OR4K17: variants seen among roughly 807,000 people sequenced by gnomAD.
The protein encoded by OR4K17 is olfactory receptor 4K17.
For synonymous variants in OR4K17, 157 were observed against 132.8 expected (o/e 1.18, Z -1.25); for missense variants, 480 against 366.3 (o/e 1.31, Z -2.53).
chr14:20,117,795 C>T lies in OR4K17; in HGVS notation c.296C>T (p.Thr99Ile). The change falls in exon 2 of 2, where the codon ACT becomes ATT. Residue 99 changes from threonine to isoleucine, a missense_variant. Physicochemically the swap from Thr to Ile is moderately conservative, Grantham distance 89 (BLOSUM62 -1). Coordinates refer to ENST00000641386, the MANE Select transcript of OR4K17 (RefSeq NM_001004715.5). Reference sequence around the variant, plus strand: ...GTAATTTCTTTTGCTGGGTGCTTCACTCAGATATTTCTCCTTCACTTACTG... The same window carrying T: ...GTAATTTCTTTTGCTGGGTGCTTCATTCAGATATTTCTCCTTCACTTACTG... ...QKVISFAGCF[T>I]QIFLLHLLGG... The T allele has an allele frequency of 6.2e-7, 1 of 1,614,116 alleles. No individual in the cohort carries two copies. The highest frequency in any genetic ancestry group is 1.1e-5 in the South Asian group (1 of 91,076).
Position 20,117,785 on chromosome 14 carries a change from G to A in OR4K17, c.286G>A (p.Gly96Arg), listed in dbSNP as rs1318758860. ...AAAGCAGAAGGTAATTTCTTTTGCT[G>A]GGTGCTTCACTCAGATATTTCTCCT... ...LKKQKVISFAGCFTQIFLLHL... is the reference protein window; with the variant it reads ...LKKQKVISFARCFTQIFLLHL... Residue 96 changes from glycine (G) to arginine (R), a missense_variant, in exon 2 of 2, where the codon GGG (glycine) becomes AGG (arginine). Physicochemically the swap from Gly to Arg is moderately radical, Grantham distance 125. Transcript: ENST00000641386. The A allele has an allele frequency of 6.2e-7, 1 of 1,613,948 alleles. No homozygotes were observed. The highest frequency in any genetic ancestry group is 1.3e-5 in the African/African-American group (1 of 74,888).
chr14:20,112,237 A>T (rs1282684460), intron 1 of OR4K17: 1 of 152,092 alleles, frequency 6.6e-6, no homozygotes, highest in African/African-American at 2.4e-5. Flanking sequence ...TATAATATTA[A>T]GATTTAAGCA....
At chr14:20,112,566 A>G (rs537663422) in intron 1 of OR4K17, among the ~76,000 whole-genome samples, 1 of 152,204 alleles carries the variant, frequency 6.6e-6, no homozygotes, top group East Asian at 1.9e-4. Flanking sequence ...GCAAGATAAC[A>G]CAAACTAGTT....
Position 20,110,786 on chromosome 14 carries a change from A to G in OR4K17, c.-139A>G, listed in dbSNP as rs142207302. The G allele has an allele frequency of 2.0e-5, 3 of 152,146 alleles. No individual in the cohort carries two copies. The highest frequency in any genetic ancestry group is 4.8e-5 in the African/African-American group (2 of 41,540). The allele number at this position is 152,146 out of a possible 1,614,324, so 9.4% of individuals were successfully genotyped here. ...TTAGGAACTCCCCTGATTGGAGTCT[A>G]GATACTTTAGTGACTTGTTTCTTCT... On this transcript the variant is annotated 5_prime_UTR_variant, in exon 1 of 2. Coordinates refer to ENST00000641386, the MANE Select transcript of OR4K17 (RefSeq NM_001004715.5).
intron 1 of OR4K17, among the ~76,000 whole-genome samples, chr14:20,115,792 G>T (rs1877978377): frequency 6.6e-6 from 1 of 151,990 alleles, no homozygotes; most frequent in Admixed American, 6.6e-5. Context: ...GAGCTCTAGG[G>T]AGCAAAATGG....
intron 1 of OR4K17, among the ~76,000 whole-genome samples, chr14:20,111,206 A>G (rs553034881): frequency 6.6e-6 from 1 of 151,728 alleles, no homozygotes; most frequent in East Asian, 1.9e-4. Flanking sequence ...TAGGAACTTT[A>G]CCAGGTGTTA....
chr14:20,111,372 T>G (rs2139051991), intron 1 of OR4K17, among the ~76,000 whole-genome samples: 1 of 152,144 alleles, frequency 6.6e-6, no homozygotes, highest in South Asian at 2.1e-4. Context: ...GAGAATGTAT[T>G]GATTTGGACA....
rs143610275 is a variant in OR4K17, at chr14:20,117,683, C to T, written c.184C>T (p.Leu62Phe). The T allele has an allele frequency of 1.6e-4, 251 of 1,614,020 alleles. No individual in the cohort carries two copies. The African/African-American group carries it at 2.9e-3, about 18-fold the overall frequency. The change falls in exon 2 of 2, where the codon CTC (leucine) becomes TTC (phenylalanine). Residue 62 changes from leucine to phenylalanine, a missense_variant. Coordinates refer to ENST00000641386, the MANE Select transcript of OR4K17 (RefSeq NM_001004715.5). ...TPNLNTPMYF[L>F]LGNLSFVDMT... Reference sequence around the variant, plus strand: ...TAACCTGAATACTCCCATGTATTTTCTCCTTGGTAATCTCTCTTTTGTAGA... The same window carrying T: ...TAACCTGAATACTCCCATGTATTTTTTCCTTGGTAATCTCTCTTTTGTAGA...
rs1337699875 is a variant in OR4K17 at position 20,120,341 on chromosome 14, A to G, written c.*1903A>G. ...CTTGTAGCTTCCAAAATAAGAATTC[A>G]TGAAGATACCTTTATGGTTGTTAAT... On this transcript the variant is annotated 3_prime_UTR_variant, in exon 2 of 2. Transcript: ENST00000641386. 1 of 152,198 alleles carries G rather than the reference A, an allele frequency of 6.6e-6. No individual in the cohort carries two copies. Among genetic ancestry groups the G allele is most frequent in the Non-Finnish European group, 1.5e-5 (1 of 68,030 alleles). 9.4% of individuals were successfully genotyped at this position (152,198 alleles called of 1,614,324 possible).
chr14:20,118,219 G>A lies in OR4K17; in HGVS notation c.720G>A (p.Leu240=), dbSNP rs200441843. The stretch of plus-strand genomic sequence containing the variant: ...GGCAATCTAAAGCCCGTTCCACTTT[G>A]ACTGCTCACATCACAGTGGTGATTC... The part of the protein sequence containing the change: ...PTGQSKARST[L]TAHITVVILF... Residue 240 remains leucine (L), a synonymous_variant, in exon 2 of 2, where the codon TTG becomes TTA. Coordinates refer to ENST00000641386, the MANE Select transcript of OR4K17 (RefSeq NM_001004715.5). 54 of 1,614,006 alleles carry A rather than the reference G, an allele frequency of 3.3e-5. No individual in the cohort carries two copies. Among genetic ancestry groups the A allele is most frequent in the Non-Finnish European group, 4.4e-5 (52 of 1,179,938 alleles).
In OR4K17 at chr14:20,111,672, C is replaced by A. The variant is rs1877886269; in HGVS notation, c.-33+780C>A. Among the ~76,000 whole-genome samples, 5 of 151,980 alleles carry A rather than the reference C, an allele frequency of 3.3e-5. No homozygotes were observed. The South Asian group carries it at 1.0e-3, about 31-fold the overall frequency. On this transcript the variant is annotated intron_variant, in intron 1 of 1. Transcript: ENST00000641386. Reference sequence around the variant, plus strand: ...ACAATTTCCAGGAAAGAAATTGCTACAACTAAAACTGCTATATTTGAGTTC... The same window carrying A: ...ACAATTTCCAGGAAAGAAATTGCTAAAACTAAAACTGCTATATTTGAGTTC...
Position 20,121,719 on chromosome 14 carries a change from A to G in OR4K17, c.*3281A>G, listed in dbSNP as rs1878175281. 1 of 152,088 alleles carries G rather than the reference A, an allele frequency of 6.6e-6. No homozygotes were observed. The highest frequency in any genetic ancestry group is 6.6e-5 in the Admixed American group (1 of 15,254). 9.4% of individuals were successfully genotyped at this position (152,088 alleles called of 1,614,324 possible). A position where few individuals can be genotyped will look rare whatever the true frequency, so the allele number is the denominator to read the frequency against. On this transcript the variant is annotated 3_prime_UTR_variant, in exon 2 of 2. Coordinates refer to ENST00000641386, the MANE Select transcript of OR4K17 (RefSeq NM_001004715.5). ...GAAAGAGAAAGATGAAGCAAAAGAA[A>G]AGGAAGGGAACAAAGAGTGTAAAAA...
chr14:20,117,920 T>G lies in OR4K17; in HGVS notation c.421T>G (p.Cys141Gly). The G allele has an allele frequency of 1.9e-6, 3 of 1,614,076 alleles. No homozygotes were observed. The highest frequency in any genetic ancestry group is 2.5e-6 in the Non-Finnish European group (3 of 1,180,008). Residue 141 changes from cysteine to glycine, a missense_variant, in exon 2 of 2, where the codon TGT becomes GGT. Transcript: ENST00000641386. ...CATGACCATCATGAACAAGAAGGTATGTGTTTTGCTTGTAGTGACCTCATG... is the reference window on the plus strand; with the variant it reads ...CATGACCATCATGAACAAGAAGGTAGGTGTTTTGCTTGTAGTGACCTCATG... ...HYMTIMNKKV[C>G]VLLVVTSWLL...
At chr14:20,111,762 G>T (rs1191603847) in intron 1 of OR4K17, 1 of 152,008 alleles carries the variant, frequency 6.6e-6, no homozygotes, top group Non-Finnish European at 1.5e-5. Context: ...AAACAAAAAA[G>T]TAGAGAACTG....
intron 1 of OR4K17, 33 bp from the exon 2 acceptor site, chr14:20,117,435 A>G (rs1447747653): frequency 2.5e-6 from 4 of 1,605,926 alleles, no homozygotes; most frequent in Non-Finnish European, 2.5e-6. Flanking sequence ...CTCATACTCC[A>G]TGGTATGAGT....
chr14:20,111,755 CA>C (rs1456754348), intron 1 of OR4K17, among the ~76,000 whole-genome samples: 1 of 151,724 alleles, frequency 6.6e-6, no homozygotes, highest in Non-Finnish European at 1.5e-5. Flanking sequence ...ATATGCCAAA[CA>C]AAAAAGTAGA....
In OR4K17 at chr14:20,118,086, A is replaced by G; in HGVS notation, c.587A>G (p.Gln196Arg). The part of the protein sequence containing the change: ...KLACIDIYFV[Q>R]VVIVANSGII... The stretch of plus-strand genomic sequence containing the variant: ...GCCTGTATAGACATATATTTTGTAC[A>G]GGTAGTCATTGTTGCCAACAGTGGC... The change falls in exon 2 of 2, where the codon CAG (glutamine) becomes CGG (arginine). Residue 196 changes from glutamine (Q) to arginine (R), a missense_variant. By Grantham distance (43) the Gln-to-Arg change is conservative. Coordinates refer to ENST00000641386, the MANE Select transcript of OR4K17 (RefSeq NM_001004715.5). 1 of 1,614,100 alleles carries G rather than the reference A, an allele frequency of 6.2e-7. No individual in the cohort carries two copies. The highest frequency in any genetic ancestry group is 8.5e-7 in the Non-Finnish European group (1 of 1,179,984).
chr14:20,117,956 C>G lies in OR4K17; in HGVS notation c.457C>G (p.Leu153Val), dbSNP rs768508981. The change falls in exon 2 of 2, where the codon CTC (leucine) becomes GTC (valine). Residue 153 changes from leucine to valine, a missense_variant. By Grantham distance (32) the Leu-to-Val change is conservative. Transcript: ENST00000641386. ...TGTAGTGACCTCATGGCTCTTGGGT[C>G]TCCTTCACTCAGGGTTTCAGATACC... ...LLVVTSWLLG[L>V]LHSGFQIPFA... 1 of 1,614,060 alleles carries G rather than the reference C, an allele frequency of 6.2e-7. No homozygotes were observed. Among genetic ancestry groups the G allele is most frequent in the Admixed American group, 1.7e-5 (1 of 60,004 alleles).
intron 1 of OR4K17, among the ~76,000 whole-genome samples, chr14:20,115,493 A>G (rs1877969259): frequency 6.6e-6 from 1 of 152,094 alleles, no homozygotes. Context: ...GCAATATTAC[A>G]TCCTATAATT....
Sources: allele counts gnomAD v4.1 joint callset (sites outside exome capture counted in the v4.1 genomes callset), GRCh38; gene constraint gnomAD v4.1.1; transcripts MANE v1.5; gene names NCBI Gene and HGNC (gene_info 2026-07-23, HGNC 2026-07-21).